The following ZNF189 variants were observed in gnomAD, a reference collection of about 807,000 sequenced individuals.
ZNF189 encodes zinc finger protein 189.
In ZNF189, 33 loss-of-function variants were observed where a neutral mutation model predicts 53.5. That is an observed-to-expected ratio of 0.62 (90% CI 0.47 to 0.82). The LOEUF (loss-of-function observed/expected upper bound fraction) is 0.82. ZNF189 is among the 40% of genes least tolerant of loss of function. The pLI is 0.00. For synonymous variants in ZNF189, 247 were observed against 238.8 expected (o/e 1.03, Z -0.32); for missense variants, 711 against 753.9 (o/e 0.94, Z 0.67).
Position 101,398,985 on chromosome 9 carries a change from C to T in ZNF189, c.-172C>T. ...GTTGGGGGACAGCCAGGGATCGCGT[C>T]TGATATGCTGTTGGGGTCGTGACCG... On this transcript the variant is annotated 5_prime_UTR_variant, in exon 1 of 3. Coordinates refer to ENST00000339664, the MANE Select transcript of ZNF189 (RefSeq NM_003452.4). 1.4e-6 allele frequency: 1 copy of T among 707,504 alleles called. No individual in the cohort carries two copies. The highest frequency in any genetic ancestry group is 1.5e-5 in the South Asian group (1 of 66,782). 43.8% of individuals were successfully genotyped at this position (707,504 alleles called of 1,614,324 possible). A position where few individuals can be genotyped will look rare whatever the true frequency, so the allele number is the denominator to read the frequency against.
rs1451248669 is a variant in ZNF189 at position 101,408,872 on chromosome 9, T to C, written c.1104T>C (p.Gly368=). The C allele has an allele frequency of 1.9e-6, 3 of 1,614,138 alleles. No individual in the cohort carries two copies. Among genetic ancestry groups the C allele is most frequent in the Non-Finnish European group, 2.5e-6 (3 of 1,180,020 alleles). The change falls in exon 3 of 3, where the codon GGT becomes GGC. Residue 368 remains glycine, a synonymous_variant. Transcript: ENST00000339664. Reference sequence around the variant, plus strand: ...TTGAACATCAGAGGATCCATACTGGTGAAAGACCTTATCAGTGCAAAGAGT... The same window carrying C: ...TTGAACATCAGAGGATCCATACTGGCGAAAGACCTTATCAGTGCAAAGAGT... The part of the protein sequence containing the change: ...FLIEHQRIHT[G]ERPYQCKECG...
chr9:101,409,667 A>C lies in ZNF189; in HGVS notation c.*18A>C, dbSNP rs1830868813. On this transcript the variant is annotated 3_prime_UTR_variant, in exon 3 of 3. Transcript: ENST00000339664. ...TGCAATAAATGTAGAGCAATACATA[A>C]GCTCAATTTGATTTGAGACTAGTAC... is the stretch of plus-strand genomic sequence containing the variant. 6.4e-7 allele frequency: 1 copy of C among 1,571,674 alleles called. No homozygotes were observed.
Position 101,409,931 on chromosome 9 carries a change from G to A in ZNF189, c.*282G>A, listed in dbSNP as rs545170620. On this transcript the variant is annotated 3_prime_UTR_variant, in exon 3 of 3. Transcript: ENST00000339664. ...AGGTTCAGAGCATGGGTGCTCTGAG[G>A]GACAAAGTTGGATTAGTATAAGGGA... 4 of 307,322 alleles carry A rather than the reference G, an allele frequency of 1.3e-5. No homozygotes were observed. Among genetic ancestry groups the A allele is most frequent in the African/African-American group, 4.4e-5 (2 of 45,722 alleles). The allele number at this position is 307,322 out of a possible 1,614,324, so 19.0% of individuals were successfully genotyped here.
At position 101,409,588 on chromosome 9, in the gene ZNF189, C is replaced by G. The variant is rs147826896; in HGVS notation, c.1820C>G (p.Ala607Gly). 9.3e-6 allele frequency: 15 copies of G among 1,613,360 alleles called. No homozygotes were observed. The African/African-American group carries it at 1.2e-4, about 13-fold the overall frequency. ...ETHECDACGE[A>G]FNCRISLIQH... ...CATGAATGTGACGCTTGTGGTGAAG[C>G]CTTTAATTGCCGTATTTCTCTTATT... Residue 607 changes from alanine (A) to glycine (G), a missense_variant, in exon 3 of 3, where the codon GCC (alanine) becomes GGC (glycine). Coordinates refer to ENST00000339664, the MANE Select transcript of ZNF189 (RefSeq NM_003452.4).
Position 101,410,464 on chromosome 9 carries a change from T to C in ZNF189, c.*815T>C, listed in dbSNP as rs1164771653. 6.6e-6 allele frequency: 1 copy of C among 152,402 alleles called. No individual in the cohort carries two copies. The highest frequency in any genetic ancestry group is 1.5e-5 in the Non-Finnish European group (1 of 68,034). 9.4% of individuals were successfully genotyped at this position (152,402 alleles called of 1,614,324 possible). A position where few individuals can be genotyped will look rare whatever the true frequency, so the allele number is the denominator to read the frequency against. ...GTGTACATATTATGACTGCCAAGTATTGGAAATGAAAAGACCTGGAGTCTA... is the reference window on the plus strand; with the variant it reads ...GTGTACATATTATGACTGCCAAGTACTGGAAATGAAAAGACCTGGAGTCTA... On this transcript the variant is annotated 3_prime_UTR_variant, in exon 3 of 3. Coordinates refer to ENST00000339664, the MANE Select transcript of ZNF189 (RefSeq NM_003452.4).
At chr9:101,402,592 C>G (rs1245091698) in intron 2 of ZNF189, among the ~76,000 whole-genome samples, 1 of 152,170 alleles carries the variant, frequency 6.6e-6, no homozygotes, top group East Asian at 1.9e-4. Flanking sequence ...CTTTGTTTTA[C>G]CAGAGCTAAG....
Position 101,398,937 on chromosome 9 carries a change from A to G in ZNF189, c.-220A>G. ...GGCCTGAAAGGCTGCGTAACCAGGC[A>G]GGAGTAGGGGTTGGGGTTCGGGGTT... On this transcript the variant is annotated 5_prime_UTR_variant, in exon 1 of 3. Transcript: ENST00000339664. The G allele has an allele frequency of 2.0e-6, 1 of 502,252 alleles. No individual in the cohort carries two copies. Among genetic ancestry groups the G allele is most frequent in the South Asian group, 1.9e-5 (1 of 52,228 alleles). The allele number at this position is 502,252 out of a possible 1,614,324, so 31.1% of individuals were successfully genotyped here.
At position 101,408,191 on chromosome 9, in the gene ZNF189, A is replaced by G. The variant is rs527642264; in HGVS notation, c.423A>G (p.Pro141=). ...ACACTAACATTATCCGTAAAAGACC[A>G]AACTCAGAAGAGAAATGCCATAAAT... The part of the protein sequence containing the change: ...RENTNIIRKR[P]NSEEKCHKCE... The change falls in exon 3 of 3, where the codon CCA becomes CCG. Residue 141 remains proline (P), a synonymous_variant. Transcript: ENST00000339664. The G allele has an allele frequency of 6.2e-7, 1 of 1,614,198 alleles. No individual in the cohort carries two copies. The highest frequency in any genetic ancestry group is 8.5e-7 in the Non-Finnish European group (1 of 1,180,034).
At position 101,405,591 on chromosome 9, in the gene ZNF189, A is replaced by G. The variant is rs1352818472; in HGVS notation, c.161-2338A>G. On this transcript the variant is annotated intron_variant, in intron 2 of 2. Coordinates refer to ENST00000339664, the MANE Select transcript of ZNF189 (RefSeq NM_003452.4). The stretch of plus-strand genomic sequence containing the variant: ...ATATACAGAACAAGTAAGGATGTAA[A>G]TGTGGGTAACAATAACAAAAGTCAG... Among the ~76,000 whole-genome samples, 3 of 152,188 alleles carry G rather than the reference A, an allele frequency of 2.0e-5. No homozygotes were observed. The East Asian group carries it at 5.8e-4, about 29-fold the overall frequency.
chr9:101,404,274 A>C (rs1291100039), intron 2 of ZNF189, among the ~76,000 whole-genome samples: 1 of 152,224 alleles, frequency 6.6e-6, no homozygotes, highest in Non-Finnish European at 1.5e-5. Flanking sequence ...GTGTCTGGTA[A>C]TATAAGTCAT....
intron 2 of ZNF189, among the ~76,000 whole-genome samples, chr9:101,406,288 G>C (rs1407063447): frequency 6.6e-6 from 1 of 152,056 alleles, no homozygotes; most frequent in Admixed American, 6.6e-5. Flanking sequence ...GATAAAATTG[G>C]ACATATTTAT....
intron 1 of ZNF189, 55 bp downstream of exon 1, chr9:101,399,244 C>A: frequency 1.3e-6 from 2 of 1,488,712 alleles, no homozygotes; most frequent in Non-Finnish European, 1.8e-6. Flanking sequence ...CCCAGCTAGG[C>A]CGCACCACTG....
At chr9:101,402,921 A>C (rs1830585319) in intron 2 of ZNF189, among the ~76,000 whole-genome samples, 1 of 152,108 alleles carries the variant, frequency 6.6e-6, no homozygotes, top group African/African-American at 2.4e-5. Context: ...CTGCCACCAA[A>C]GTGATTTTGT....
Position 101,399,948 on chromosome 9 carries a change from C to T in ZNF189, c.98C>T (p.Pro33Leu). 1.2e-6 allele frequency: 2 copies of T among 1,614,114 alleles called. No individual in the cohort carries two copies. The highest frequency in any genetic ancestry group is 1.3e-5 in the African/African-American group (1 of 75,024). Residue 33 changes from proline to leucine, a missense_variant, in exon 2 of 3, where the codon CCA (proline) becomes CTA (leucine). Coordinates refer to ENST00000339664, the MANE Select transcript of ZNF189 (RefSeq NM_003452.4). Reference sequence around the variant, plus strand: ...CAGGAGGAGTGGGATTATCTGGACCCAGCTCAGAGAAGCCTGTATAAAGAT... The same window carrying T: ...CAGGAGGAGTGGGATTATCTGGACCTAGCTCAGAGAAGCCTGTATAAAGAT... ...FTQEEWDYLD[P>L]AQRSLYKDVM...
intron 1 of ZNF189, 112 bp from the exon 2 acceptor site, chr9:101,399,772 T>C: frequency 2.6e-6 from 4 of 1,511,552 alleles, no homozygotes; most frequent in Non-Finnish European, 3.6e-6. Flanking sequence ...CTTTCAGTTA[T>C]CATGTTCCTC....
chr9:101,403,019 A>G (rs1273590832), intron 2 of ZNF189, among the ~76,000 whole-genome samples: 3 of 152,132 alleles, frequency 2.0e-5, no homozygotes, highest in Non-Finnish European at 4.4e-5. Flanking sequence ...CCTTCCAAGT[A>G]TAGCCTCTGC....
At chr9:101,407,364 C>T (rs1461123196) in intron 2 of ZNF189, 1 of 397,450 alleles carries the variant, frequency 2.5e-6, no homozygotes, top group Non-Finnish European at 4.4e-6. Flanking sequence ...TGTCTTTTAT[C>T]CTTCTTAGCA....
chr9:101,399,585 C>T, intron 1 of ZNF189: 1 of 1,292,366 alleles, frequency 7.7e-7, no homozygotes. Flanking sequence ...CAAGCCAGTG[C>T]AAATGGAAAA....
rs771276714 is a variant in ZNF189 at position 101,399,125 on chromosome 9, C to G, written c.-32C>G. The G allele has an allele frequency of 3.2e-6, 5 of 1,554,548 alleles. No individual in the cohort carries two copies. The highest frequency in any genetic ancestry group is 2.7e-6 in the Non-Finnish European group (3 of 1,127,140). ...AGAGGCTCCTTTCCGTGAGGCCGCC[C>G]CCAATTCCTGCCCCTATTCTCTGCC... On this transcript the variant is annotated 5_prime_UTR_variant, in exon 1 of 3. Coordinates refer to ENST00000339664, the MANE Select transcript of ZNF189 (RefSeq NM_003452.4).
Sources: gnomAD v4.1 joint callset for allele counts (sites outside exome capture counted in the v4.1 genomes callset) on GRCh38, gnomAD v4.1.1 for gene constraint, MANE v1.5 for transcripts, NCBI Gene and HGNC (gene_info 2026-07-23, HGNC 2026-07-21) for gene names.